Variants in NOS1AP observed in about 807,000 individuals in gnomAD.
NOS1AP encodes nitric oxide synthase 1 adaptor protein.
Under a neutral mutation model 56.2 loss-of-function variants are expected in NOS1AP, and 21 were observed. The observed-to-expected ratio is 0.37, with a 90% confidence interval of 0.26 to 0.54. The LOEUF (loss-of-function observed/expected upper bound fraction) is 0.54. NOS1AP is among the 20% of genes least tolerant of loss of function. The pLI, the probability that NOS1AP is intolerant of heterozygous loss-of-function variation, is 0.84. For missense variants in NOS1AP, 522 were observed against 657.8 expected, an observed-to-expected ratio of 0.79 and a Z score of 2.26; for synonymous variants, 270 against 274.6, an observed-to-expected ratio of 0.98 and a Z score of 0.17.
chr1:162,279,925 G>A (rs6670958), intron 2 of NOS1AP, among the ~76,000 whole-genome samples: 83,599 of 151,998 alleles, frequency 0.55, 24,775 homozygotes, highest in East Asian at 0.96. Context: ...TATCATCCCT[G>A]GGCACTGGTT....
chr1:162,237,309 G>A (rs1365220858), intron 2 of NOS1AP, among the ~76,000 whole-genome samples: 2 of 152,336 alleles, frequency 1.3e-5, no homozygotes, highest in Admixed American at 6.5e-5. Context: ...CCCTTGTTAA[G>A]CCATTTAACT....
intron 2 of NOS1AP, among the ~76,000 whole-genome samples, chr1:162,173,596 G>A (rs1054492599): frequency 6.6e-6 from 1 of 152,202 alleles, no homozygotes; most frequent in Non-Finnish European, 1.5e-5. Flanking sequence ...AAGAGCTTCT[G>A]CACGCAAAAG....
chr1:162,221,409 A>G (rs539293566), intron 2 of NOS1AP, among the ~76,000 whole-genome samples: 1 of 152,230 alleles, frequency 6.6e-6, no homozygotes, highest in African/African-American at 2.4e-5. Context: ...TTGCTAGAAG[A>G]AAAAAATCCA....
At chr1:162,100,723 A>G (rs1260046814) in intron 1 of NOS1AP, among the ~76,000 whole-genome samples, 4 of 152,216 alleles carry the variant, frequency 2.6e-5, no homozygotes, top group Admixed American at 6.5e-5. Flanking sequence ...CTATGGCTGC[A>G]TGTATGTTTT....
At chr1:162,307,345 C>G (rs1655867796) in intron 4 of NOS1AP, among the ~76,000 whole-genome samples, 2 of 152,076 alleles carry the variant, frequency 1.3e-5, no homozygotes, top group Non-Finnish European at 2.9e-5. Context: ...CTTTTTAAAA[C>G]TAGGGGGAGT....
rs528137141 is a variant in NOS1AP, at chr1:162,148,978, C to T, written c.106-5427C>T. Reference sequence around the variant, plus strand: ...GACTCAAGTTTCATGCTTGAAAAACCGGTGGATTTCCTGGGGGCTGCTAAT... The same window carrying T: ...GACTCAAGTTTCATGCTTGAAAAACTGGTGGATTTCCTGGGGGCTGCTAAT... On this transcript the variant is annotated intron_variant, in intron 1 of 9. Transcript: ENST00000361897. 1.6e-4 allele frequency among the ~76,000 whole-genome samples: 24 copies of T among 152,166 alleles called. 1 individual carries two copies. In the South Asian group the frequency reaches 2.3e-3, roughly 14 times the overall value.
At chr1:162,101,975 A>G (rs536031512) in intron 1 of NOS1AP, among the ~76,000 whole-genome samples, 1 of 152,172 alleles carries the variant, frequency 6.6e-6, no homozygotes, top group Middle Eastern at 3.4e-3. Context: ...TTCCAATACT[A>G]CGTTGAATAG....
intron 2 of NOS1AP, among the ~76,000 whole-genome samples, chr1:162,284,512 G>A (rs995029321): frequency 6.6e-6 from 1 of 152,132 alleles, no homozygotes; most frequent in Non-Finnish European, 1.5e-5. Context: ...CATTCCACCA[G>A]CTATTGTAAG....
At chr1:162,107,339 A>G (rs1038475473) in intron 1 of NOS1AP, among the ~76,000 whole-genome samples, 8 of 152,194 alleles carry the variant, frequency 5.3e-5, no homozygotes, top group Non-Finnish European at 1.2e-4. Flanking sequence ...AATTTTTAAC[A>G]TAATTTAAAA....
At chr1:162,295,001 C>G (rs1187320107) in intron 3 of NOS1AP, among the ~76,000 whole-genome samples, 1 of 152,160 alleles carries the variant, frequency 6.6e-6, no homozygotes, top group Admixed American at 6.5e-5. Flanking sequence ...CCTGCTCCAG[C>G]GGGAGCCCTG....
At chr1:162,202,969 G>A (rs10918868) in intron 2 of NOS1AP, among the ~76,000 whole-genome samples, 3 of 152,262 alleles carry the variant, frequency 2.0e-5, no homozygotes, top group South Asian at 2.1e-4. Context: ...TGGCTACTAA[G>A]AGCCACTGTT....
intron 1 of NOS1AP, among the ~76,000 whole-genome samples, chr1:162,129,990 G>T (rs1648678275): frequency 6.6e-6 from 1 of 152,198 alleles, no homozygotes; most frequent in South Asian, 2.1e-4. Flanking sequence ...ATACTTGTTG[G>T]TTGAGTGTCG....
At chr1:162,214,322 C>A (rs916102398) in intron 2 of NOS1AP, among the ~76,000 whole-genome samples, 1 of 152,164 alleles carries the variant, frequency 6.6e-6, no homozygotes, top group Non-Finnish European at 1.5e-5. Flanking sequence ...ATTGTTTACT[C>A]TTTGCCCAGC....
chr1:162,264,469 C>CCTCTCCTCTCCTGT (rs373124349), intron 2 of NOS1AP, among the ~76,000 whole-genome samples: 4 of 31,852 alleles, frequency 1.3e-4, no homozygotes, highest in Non-Finnish European at 1.8e-4. Flanking sequence ...TCTTCTCCTC[C>CCTCTCCTCTCCTGT]CCTCCCCTCC....
intron 2 of NOS1AP, among the ~76,000 whole-genome samples, chr1:162,224,858 A>G (rs1389827351): frequency 2.0e-5 from 3 of 152,216 alleles, no homozygotes; most frequent in Admixed American, 1.3e-4. Flanking sequence ...CCTGAGGGTC[A>G]CTGCCTTATC....
intron 2 of NOS1AP, among the ~76,000 whole-genome samples, chr1:162,235,842 T>A (rs887474765): frequency 3.3e-5 from 5 of 152,196 alleles, no homozygotes; most frequent in Non-Finnish European, 7.3e-5. Context: ...CATGCATCCA[T>A]GTGTTTAGAT....
At chr1:162,198,320 C>G (rs976060306) in intron 2 of NOS1AP, among the ~76,000 whole-genome samples, 4 of 152,178 alleles carry the variant, frequency 2.6e-5, no homozygotes, top group African/African-American at 7.2e-5. Context: ...TTTAAACTTT[C>G]TGATCGTTGT....
At chr1:162,351,115 A>G (rs945332718) in intron 6 of NOS1AP, among the ~76,000 whole-genome samples, 6 of 152,330 alleles carry the variant, frequency 3.9e-5, no homozygotes, top group Non-Finnish European at 8.8e-5. Context: ...AAGATATCTC[A>G]TATATATGCA....
intron 1 of NOS1AP, among the ~76,000 whole-genome samples, chr1:162,100,081 C>T (rs1373302757): frequency 5.9e-5 from 9 of 152,020 alleles, no homozygotes; most frequent in African/African-American, 1.5e-4. Flanking sequence ...TGAATAGTGC[C>T]GCAATAAGCA....
Sources: allele counts gnomAD v4.1 joint callset (sites outside exome capture counted in the v4.1 genomes callset), GRCh38; gene constraint gnomAD v4.1.1; transcripts MANE v1.5; gene names NCBI Gene and HGNC (gene_info 2026-07-23, HGNC 2026-07-21).